NUTM2G: variants seen among roughly 807,000 people sequenced by gnomAD.
NUTM2G encodes the protein NUT family member 2G, also known as family with sequence similarity 22, member G.
A neutral mutation model predicts 44.3 loss-of-function variants in NUTM2G; 29 were observed. The ratio of observed to expected loss-of-function variants is 0.66; its 90% CI spans 0.49 to 0.89. NUTM2G has a LOEUF of 0.89. Ranked by LOEUF, NUTM2G falls within the 40% of genes least tolerant of loss-of-function variation. The pLI, the probability that NUTM2G is intolerant of heterozygous loss-of-function variation, is 0.00. For synonymous variants in NUTM2G, 205 were observed against 395.9 expected (o/e 0.52, Z 5.72); for missense variants, 502 against 946.5 (o/e 0.53, Z 6.16).
chr9:96,937,769 C>G, intron 5 of NUTM2G, 116 bp from the exon 6 acceptor site: 1 of 1,294,284 alleles, frequency 7.7e-7, no homozygotes, highest in Non-Finnish European at 1.1e-6. Context: ...TGATATGAAA[C>G]AGCCCCAGGA....
chr9:96,935,580 C>G, intron 3 of NUTM2G, 124 bp downstream of exon 3: 1 of 1,569,864 alleles, frequency 6.4e-7, no homozygotes, highest in Non-Finnish European at 8.7e-7. Flanking sequence ...ACAGGACGCC[C>G]TGGGCCCCTG....
At chr9:96,937,024 C>T (rs763187878) in intron 4 of NUTM2G, 40 bp from the exon 5 acceptor site, 19 of 1,521,764 alleles carry the variant, frequency 1.2e-5, no homozygotes, top group East Asian at 9.5e-5. Context: ...GCAGGAGGAG[C>T]GGCCCTCACC....
Position 96,928,953 on chromosome 9 carries a change from C to G in NUTM2G, c.-72C>G. On this transcript the variant is annotated 5_prime_UTR_variant, in exon 1 of 7. Coordinates refer to ENST00000372322, the MANE Select transcript of NUTM2G (RefSeq NM_001170741.3). The stretch of plus-strand genomic sequence containing the variant: ...AGGATCTGCTGAGTCAGGTCACTCT[C>G]TGGGTCCTGCCCTTGACTTTTTTCA... 2 of 1,554,994 alleles carry G rather than the reference C, an allele frequency of 1.3e-6. No homozygotes were observed. Among genetic ancestry groups the G allele is most frequent in the South Asian group, 2.3e-5 (2 of 88,470 alleles).
In NUTM2G at chr9:96,935,325, C is replaced by G. The variant is rs1412277035; in HGVS notation, c.714-3C>G. On this transcript the variant is annotated splice_region_variant and splice_polypyrimidine_tract_variant and intron_variant, in intron 2 of 6. Transcript: ENST00000372322. Reference sequence around the variant, plus strand: ...GACTGGGACTGACTGCACTGGTTTACAGCCCAGTTCTCCGATCCCTGGCCC... The same window carrying G: ...GACTGGGACTGACTGCACTGGTTTAGAGCCCAGTTCTCCGATCCCTGGCCC... The G allele has an allele frequency of 6.2e-7, 1 of 1,611,892 alleles. No homozygotes were observed. The highest frequency in any genetic ancestry group is 8.5e-7 in the Non-Finnish European group (1 of 1,179,848).
downstream of NUTM2G, chr9:96,940,171 T>C (rs1826559703): frequency 6.9e-6 from 1 of 144,476 alleles, no homozygotes; most frequent in Admixed American, 6.8e-5. Flanking sequence ...TGTCTGCTGG[T>C]CCCAGGGCCA....
chr9:96,936,062 C>A (rs1826420992), intron 3 of NUTM2G, among the ~76,000 whole-genome samples: 1 of 149,596 alleles, frequency 6.7e-6, no homozygotes, highest in African/African-American at 2.5e-5. Context: ...CCTTCAGGGG[C>A]CCACAGTCCC....
Position 96,936,425 on chromosome 9 carries a change from G to A in NUTM2G, c.843G>A (p.Lys281=). The part of the protein sequence containing the change: ...DRMIFYEMAA[K]FLEFEAEEEM... The stretch of plus-strand genomic sequence containing the variant: ...CAGCCTGGGCCTCCTTCACCCCCAG[G>A]TTCCTGGAGTTTGAGGCTGAGGAGG... Residue 281 remains lysine, a splice_region_variant and synonymous_variant, in exon 4 of 7, where the codon AAG becomes AAA. Coordinates refer to ENST00000372322, the MANE Select transcript of NUTM2G (RefSeq NM_001170741.3). 6.3e-7 allele frequency: 1 copy of A among 1,578,352 alleles called. No individual in the cohort carries two copies. Among genetic ancestry groups the A allele is most frequent in the Non-Finnish European group, 8.5e-7 (1 of 1,170,498 alleles).
At position 96,936,550 on chromosome 9, in the gene NUTM2G, T is replaced by C. The variant is rs374744182; in HGVS notation, c.968T>C (p.Val323Ala). The C allele has an allele frequency of 2.1e-3, 3,304 of 1,553,558 alleles. 64 individuals are homozygous for C. In the African/African-American group the frequency reaches 0.037, roughly 18 times the overall value. Reference protein sequence around the residue: ...LEPRGPPAPEVVKQPVYLPSK... With the variant: ...LEPRGPPAPEAVKQPVYLPSK... ...CCTCGAGGACCCCCTGCCCCTGAGG[T>C]GGTCAAGCAGCCAGGTACAGCTTCC... The change falls in exon 4 of 7, where the codon GTG becomes GCG. Residue 323 changes from valine (V) to alanine (A), a missense_variant. By Grantham distance (64) the Val-to-Ala change is moderately conservative. Coordinates refer to ENST00000372322, the MANE Select transcript of NUTM2G (RefSeq NM_001170741.3).
intron 1 of NUTM2G, among the ~76,000 whole-genome samples, chr9:96,931,192 CA>C (rs1826234877): frequency 6.6e-6 from 1 of 151,958 alleles, no homozygotes; most frequent in Non-Finnish European, 1.5e-5. Context: ...CCGGCCTATC[CA>C]GTGGTTTTCT....
Position 96,935,469 on chromosome 9 carries a change from T to G in NUTM2G, c.842+13T>G. 1 of 1,611,396 alleles carries G rather than the reference T, an allele frequency of 6.2e-7. No individual in the cohort carries two copies. Among genetic ancestry groups the G allele is most frequent in the Non-Finnish European group, 8.5e-7 (1 of 1,179,734 alleles). ...AGATGGCGGCAAAGTGAGTCTGGGGTCCTGGGGGCAGGGCCCGTGTGGCGG... is the reference window on the plus strand; with the variant it reads ...AGATGGCGGCAAAGTGAGTCTGGGGGCCTGGGGGCAGGGCCCGTGTGGCGG... On this transcript the variant is annotated intron_variant, in intron 3 of 6. Transcript: ENST00000372322.
chr9:96,931,225 A>T (rs1826235472), intron 1 of NUTM2G, among the ~76,000 whole-genome samples: 1 of 151,668 alleles, frequency 6.6e-6, no homozygotes, highest in East Asian at 2.0e-4. Context: ...GAGCTAGGAA[A>T]GAAAGGGGTT....
chr9:96,936,611 G>A (rs772173944), intron 4 of NUTM2G, 47 bp downstream of exon 4: 38 of 1,530,996 alleles, frequency 2.5e-5, no homozygotes, highest in African/African-American at 2.2e-4. Context: ...AGGCCAAAGG[G>A]GCCAAGGGAG....
chr9:96,937,812 T>C (rs1319026029), intron 5 of NUTM2G, 73 bp from the exon 6 acceptor site: 151 of 1,596,396 alleles, frequency 9.5e-5, no homozygotes, highest in Non-Finnish European at 1.3e-4. Flanking sequence ...GCTTTCTGCA[T>C]CTCCTCCGGG....
At chr9:96,932,978 C>CTTTTTTTTTTTT (rs573653882) in intron 2 of NUTM2G, among the ~76,000 whole-genome samples, 1 of 129,444 alleles carries the variant, frequency 7.7e-6, no homozygotes, top group East Asian at 2.7e-4. Context: ...CTTTTCTTTT[C>CTTTTTTTTTTTT]TTTTTTTTTT....
rs1306565619 is a variant in NUTM2G, at chr9:96,931,598, A to T, written c.17-124A>T. 4 of 804,086 alleles carry T rather than the reference A, an allele frequency of 5.0e-6. No individual in the cohort carries two copies. In the African/African-American group the frequency reaches 5.3e-5, roughly 11 times the overall value. The allele number at this position is 804,086 out of a possible 1,614,324, so 49.8% of individuals were successfully genotyped here. On this transcript the variant is annotated intron_variant, in intron 1 of 6. Coordinates refer to ENST00000372322, the MANE Select transcript of NUTM2G (RefSeq NM_001170741.3). ...CAGAGCATCTGATGCACACTCAGGGACACTTGCAAGCTGCAGAGTTTCCCT... is the reference window on the plus strand; with the variant it reads ...CAGAGCATCTGATGCACACTCAGGGTCACTTGCAAGCTGCAGAGTTTCCCT...
chr9:96,940,734 C>T (rs1342561177), downstream of NUTM2G, among the ~76,000 whole-genome samples: 12 of 151,950 alleles, frequency 7.9e-5, no homozygotes, highest in South Asian at 1.7e-3. Context: ...TGGTATATGG[C>T]GGCCTGGTCC....
At position 96,929,055 on chromosome 9, in the gene NUTM2G, A is replaced by C; in HGVS notation, c.16+15A>C. 6.2e-7 allele frequency: 1 copy of C among 1,610,286 alleles called. No individual in the cohort carries two copies. On this transcript the variant is annotated intron_variant, in intron 1 of 6. Transcript: ENST00000372322. ...TTCAAATGGAGGTGAGCCTGTAGGGATGGGGCATTATCCTAGTCTGCCTTG... is the reference window on the plus strand; with the variant it reads ...TTCAAATGGAGGTGAGCCTGTAGGGCTGGGGCATTATCCTAGTCTGCCTTG...
At chr9:96,930,602 T>C (rs1278605436) in intron 1 of NUTM2G, among the ~76,000 whole-genome samples, 2 of 148,810 alleles carry the variant, frequency 1.3e-5, no homozygotes, top group African/African-American at 5.0e-5. Context: ...TTGCTGGCTG[T>C]GTTCTAGTCA....
chr9:96,935,612 T>C (rs1006828260), intron 3 of NUTM2G, among the ~76,000 whole-genome samples, 156 bp downstream of exon 3: 2 of 152,172 alleles, frequency 1.3e-5, no homozygotes, highest in South Asian at 4.1e-4. Context: ...AAGCTGCTCC[T>C]GCCACCTAGA....
Sources: gnomAD v4.1 joint callset for allele counts (sites outside exome capture counted in the v4.1 genomes callset) on GRCh38, gnomAD v4.1.1 for gene constraint, MANE v1.5 for transcripts, NCBI Gene and HGNC (gene_info 2026-07-23, HGNC 2026-07-21) for gene names.